MBD5: variants seen among roughly 807,000 people sequenced by gnomAD.
MBD5 encodes the protein methyl-CpG binding domain protein 5.
MBD5 carries 13 observed loss-of-function variants against 117.3 expected under a neutral mutation model. The ratio of observed to expected loss-of-function variants is 0.11; its 90% confidence interval spans 0.07 to 0.18. MBD5 has a LOEUF of 0.18. Ranked by LOEUF, MBD5 falls within the 10% of genes least tolerant of loss-of-function variation. The probability of loss-of-function intolerance (pLI) is 1.00; values close to 1 mark genes in which losing one functional copy is unlikely to be tolerated. For missense variants in MBD5, 1,879 were observed against 2,093.8 expected (o/e 0.90, Z 2.00); for synonymous variants, 727 against 766.4 (o/e 0.95, Z 0.85).
rs1378872592 is a variant in MBD5 at position 148,383,695 on chromosome 2, G to T, written c.-557+41359G>T. 5.9e-5 allele frequency among the ~76,000 whole-genome samples: 9 copies of T among 152,014 alleles called. No homozygotes were observed. In the East Asian group the frequency reaches 1.7e-3, roughly 29 times the overall value. On this transcript the variant is annotated intron_variant, in intron 4 of 13. Transcript: ENST00000642680. ...TAGACCAATATCCTTGATGAACATT[G>T]ATGCAAAAATCTTCAATAAAATACT...
chr2:148,485,429 C>G (rs765056), intron 9 of MBD5: 10,914 of 288,274 alleles, frequency 0.038, 257 homozygotes, highest in African/African-American at 0.051. Context: ...TAAAATAGAT[C>G]TAAAATCTAA....
intron 3 of MBD5, among the ~76,000 whole-genome samples, chr2:148,301,455 A>G (rs1255154537): frequency 6.6e-6 from 1 of 152,232 alleles, no homozygotes; most frequent in African/African-American, 2.4e-5. Context: ...GCATAAGAGC[A>G]GAGTGGGAGA....
chr2:148,091,583 G>T (rs1286469260), intron 1 of MBD5, among the ~76,000 whole-genome samples: 2 of 152,110 alleles, frequency 1.3e-5, no homozygotes, highest in African/African-American at 4.8e-5. Flanking sequence ...AAAAAATCAT[G>T]CTAGGATAAT....
At chr2:148,449,661 A>G (rs923922058) in intron 4 of MBD5, among the ~76,000 whole-genome samples, 15 of 152,028 alleles carry the variant, frequency 9.9e-5, no homozygotes, top group African/African-American at 3.6e-4. Context: ...TTTTATTTGC[A>G]GTATGTAGAT....
chr2:148,485,004 AC>A (rs1248545355), intron 9 of MBD5: 2 of 152,228 alleles, frequency 1.3e-5, no homozygotes, highest in African/African-American at 4.8e-5. Context: ...AGTTAAATAA[AC>A]TACGAAGCAT....
intron 1 of MBD5, among the ~76,000 whole-genome samples, chr2:148,102,664 T>TACACACAC (rs113654978): frequency 1.3e-4 from 18 of 143,792 alleles, no homozygotes; most frequent in African/African-American, 4.4e-4. Flanking sequence ...TTGCTTATTT[T>TACACACAC]ACACACACAC....
At chr2:148,324,692 G>T (rs1175082424) in intron 3 of MBD5, among the ~76,000 whole-genome samples, 1 of 152,142 alleles carries the variant, frequency 6.6e-6, no homozygotes, top group Non-Finnish European at 1.5e-5. Context: ...TTTGTATCCT[G>T]AGACTTTGCT....
intron 12 of MBD5, among the ~76,000 whole-genome samples, chr2:148,507,654 G>A (rs751932929): frequency 1.5e-4 from 23 of 151,990 alleles, no homozygotes; most frequent in Non-Finnish European, 2.9e-5. Context: ...AGCTACTCGA[G>A]GGGGCTGAGA....
At chr2:148,148,306 T>G (rs1697524207) in intron 1 of MBD5, among the ~76,000 whole-genome samples, 1 of 152,210 alleles carries the variant, frequency 6.6e-6, no homozygotes, top group Non-Finnish European at 1.5e-5. Context: ...TCTTAGTGAC[T>G]GCTCAGCTGC....
chr2:148,164,143 A>G (rs1297884119), intron 1 of MBD5, among the ~76,000 whole-genome samples: 1 of 152,188 alleles, frequency 6.6e-6, no homozygotes, highest in African/African-American at 2.4e-5. Context: ...ATTTAAAAGG[A>G]GGAAGTTGGA....
At chr2:148,117,629 C>T (rs141499161) in intron 1 of MBD5, among the ~76,000 whole-genome samples, 1 of 152,142 alleles carries the variant, frequency 6.6e-6, no homozygotes, top group Non-Finnish European at 1.5e-5. Flanking sequence ...AGAGCACATA[C>T]CTGGATGGAG....
chr2:148,097,539 T>C (rs1436898930), intron 1 of MBD5, among the ~76,000 whole-genome samples: 1 of 152,216 alleles, frequency 6.6e-6, no homozygotes, highest in Non-Finnish European at 1.5e-5. Flanking sequence ...GTGGCCCTTA[T>C]CCATCTTGCA....
intron 1 of MBD5, among the ~76,000 whole-genome samples, chr2:148,172,399 C>T (rs1038117826): frequency 3.9e-5 from 6 of 152,188 alleles, no homozygotes; most frequent in Non-Finnish European, 7.3e-5. Context: ...TGTGCATGCT[C>T]GGGGCTGTGC....
At chr2:148,207,280 G>A (rs74698289) in intron 2 of MBD5, among the ~76,000 whole-genome samples, 5,991 of 152,052 alleles carry the variant, frequency 0.039, 156 homozygotes, top group African/African-American at 0.075. Flanking sequence ...AAATTGCATA[G>A]GTACCTGGAT....
At chr2:148,463,596 T>C in intron 6 of MBD5, 143 bp from the exon 7 acceptor site, 1 of 894,108 alleles carries the variant, frequency 1.1e-6, no homozygotes, top group Admixed American at 2.1e-5. Context: ...CTAAGTTATA[T>C]AAAGTTGCCT....
intron 4 of MBD5, among the ~76,000 whole-genome samples, chr2:148,449,493 T>G (rs1027397752): frequency 1.3e-5 from 2 of 151,892 alleles, no homozygotes; most frequent in African/African-American, 4.8e-5. Context: ...ATTAGGATGA[T>G]GAGGGAAGAC....
chr2:148,042,603 A>G (rs1177091489), intron 1 of MBD5, among the ~76,000 whole-genome samples: 12 of 152,184 alleles, frequency 7.9e-5, no homozygotes, highest in Admixed American at 7.9e-4. Context: ...TCTACATTAA[A>G]TGAAGAGTAA....
At chr2:148,293,440 AGTCTCCATGATGT>A (rs1701549758) in intron 3 of MBD5, among the ~76,000 whole-genome samples, 1 of 152,198 alleles carries the variant, frequency 6.6e-6, no homozygotes, top group African/African-American at 2.4e-5. Flanking sequence ...TGGATACCCC[AGTCTCCATGATGT>A]GTTTATTTCA....
intron 1 of MBD5, among the ~76,000 whole-genome samples, chr2:148,103,023 T>A (rs11902430): frequency 0.42 from 63,203 of 151,942 alleles, 13,355 homozygotes; most frequent in Middle Eastern, 0.54. Context: ...GATGAAAAAA[T>A]TTAATCAGAA....
Sources: allele counts gnomAD v4.1 joint callset (sites outside exome capture counted in the v4.1 genomes callset), GRCh38; gene constraint gnomAD v4.1.1; transcripts MANE v1.5; gene names NCBI Gene and HGNC (gene_info 2026-07-23, HGNC 2026-07-21).